DENND2C: variants seen among roughly 807,000 people sequenced by gnomAD.
DENND2C encodes the protein DENN domain containing 2C, also known as DENN domain-containing protein 2C.
In DENND2C, 72 loss-of-function variants were observed where a neutral mutation model predicts 112.4. That is an observed-to-expected ratio of 0.64 (90% CI 0.53 to 0.78). The LOEUF (loss-of-function observed/expected upper bound fraction) is 0.78. Ranked by LOEUF, DENND2C falls within the 30% of genes least tolerant of loss-of-function variation. The pLI, the probability that DENND2C is intolerant of heterozygous loss-of-function variation, is 0.00. For missense variants in DENND2C, 992 were observed against 1,113.8 expected, an observed-to-expected ratio of 0.89 and a Z score of 1.56; for synonymous variants, 329 against 381.6, an observed-to-expected ratio of 0.86 and a Z score of 1.61.
At chr1:114,588,938 A>G (rs552661634) in intron 18 of DENND2C, among the ~76,000 whole-genome samples, 1 of 152,330 alleles carries the variant, frequency 6.6e-6, no homozygotes, top group Admixed American at 6.5e-5. Flanking sequence ...CCATAAAAAT[A>G]GTGATTTGAG....
Position 114,611,159 on chromosome 1 carries a change from T to C in DENND2C, c.1325-42A>G, listed in dbSNP as rs1430784999. 12 of 1,610,080 alleles carry C rather than the reference T, an allele frequency of 7.5e-6. No homozygotes were observed. In the African/African-American group the frequency reaches 1.5e-4, roughly 20 times the overall value. ...AGTTTCCATTTGTATTGTCCAACAG[T>C]AGGAAGTACATGAGGATGAGAACAA... On this transcript the variant is annotated intron_variant, in intron 8 of 20. Coordinates refer to ENST00000393274, the MANE Select transcript of DENND2C (RefSeq NM_001256404.2).
intron 1 of DENND2C, among the ~76,000 whole-genome samples, chr1:114,662,475 C>T (rs1657524382): frequency 6.6e-6 from 1 of 152,118 alleles, no homozygotes; most frequent in Non-Finnish European, 1.5e-5. Context: ...CTCTCCATAT[C>T]CTTTGTTGTA....
chr1:114,645,369 C>T (rs1656951597), intron 3 of DENND2C, 79 bp downstream of exon 3: 1 of 152,166 alleles, frequency 6.6e-6, no homozygotes, highest in Non-Finnish European at 1.5e-5. Flanking sequence ...CACAGACAGA[C>T]AGAGGGGAGA....
At chr1:114,586,607 C>T (rs1655044672) in intron 20 of DENND2C, 1 of 151,982 alleles carries the variant, frequency 6.6e-6, no homozygotes, top group African/African-American at 2.4e-5. Flanking sequence ...TATGGTCAGC[C>T]TATTTAAGGC....
chr1:114,627,217 A>G (rs993642106), intron 3 of DENND2C, among the ~76,000 whole-genome samples: 5 of 152,154 alleles, frequency 3.3e-5, no homozygotes, highest in Non-Finnish European at 7.3e-5. Flanking sequence ...CAGGCCCATA[A>G]ACCGTTTCCT....
intron 10 of DENND2C, 47 bp downstream of exon 10, chr1:114,608,639 G>A: frequency 1.3e-6 from 2 of 1,584,254 alleles, no homozygotes; most frequent in East Asian, 2.2e-5. Flanking sequence ...CATGTACACA[G>A]AGACACAGGA....
At chr1:114,628,791 C>A (rs973482379) in intron 3 of DENND2C, among the ~76,000 whole-genome samples, 14 of 152,250 alleles carry the variant, frequency 9.2e-5, no homozygotes, top group Non-Finnish European at 1.3e-4. Context: ...CACCTTGCTC[C>A]TCAGCGCCTC....
At chr1:114,614,444 A>G (rs1267117175) in intron 8 of DENND2C, among the ~76,000 whole-genome samples, 2 of 152,204 alleles carry the variant, frequency 1.3e-5, no homozygotes, top group South Asian at 2.1e-4. Flanking sequence ...GGTGCATTGG[A>G]GGAGTTGGTC....
intron 18 of DENND2C, 93 bp downstream of exon 18, chr1:114,594,380 C>A: frequency 9.6e-7 from 1 of 1,042,338 alleles, no homozygotes; most frequent in East Asian, 2.5e-5. Context: ...TCTAATGCTA[C>A]TTTGGTATAT....
intron 3 of DENND2C, among the ~76,000 whole-genome samples, chr1:114,631,947 T>G (rs1175645593): frequency 6.6e-6 from 1 of 152,138 alleles, no homozygotes; most frequent in Non-Finnish European, 1.5e-5. Flanking sequence ...ATGGAAGATA[T>G]TTAAAAAAGA....
chr1:114,636,301 A>G (rs999582254), intron 3 of DENND2C, among the ~76,000 whole-genome samples: 1 of 152,192 alleles, frequency 6.6e-6, no homozygotes, highest in African/African-American at 2.4e-5. Flanking sequence ...TAAAGACCAA[A>G]TACTTTTTCC....
intron 1 of DENND2C, among the ~76,000 whole-genome samples, chr1:114,656,082 T>C (rs566651707): frequency 1.3e-5 from 2 of 151,908 alleles, no homozygotes; most frequent in South Asian, 4.2e-4. Context: ...TTCTTTTTTT[T>C]CGGAGATGGG....
At chr1:114,600,682 A>G (rs1655475885) in intron 14 of DENND2C, 138 bp downstream of exon 14, 1 of 1,193,676 alleles carries the variant, frequency 8.4e-7, no homozygotes, top group Non-Finnish European at 1.1e-6. Context: ...ATATTTCTCC[A>G]GTGCTTTATG....
chr1:114,639,761 G>A (rs1656769453), intron 3 of DENND2C, among the ~76,000 whole-genome samples: 1 of 150,044 alleles, frequency 6.7e-6, no homozygotes, highest in Middle Eastern at 3.2e-3. Flanking sequence ...CCAGGCTGGA[G>A]TGCAATGGCT....
chr1:114,623,016 G>A lies in DENND2C; in HGVS notation c.1027C>T (p.Pro343Ser), dbSNP rs1381818069. ...WRSPSAWKLPPAKSAFKAPKL... is the reference protein window; with the variant it reads ...WRSPSAWKLPSAKSAFKAPKL... ...GGTGCTTTAAAAGCACTTTTAGCGG[G>A]TGGTAGCTTCCATGCTGAAGGGGAT... Residue 343 changes from proline to serine, a missense_variant, in exon 6 of 21, where the codon CCC becomes TCC. Physicochemically the swap from Pro to Ser is moderately conservative, Grantham distance 74. Transcript: ENST00000393274. The A allele has an allele frequency of 8.1e-6, 13 of 1,613,210 alleles. No individual in the cohort carries two copies. Among genetic ancestry groups the A allele is most frequent in the African/African-American group, 2.7e-5 (2 of 74,866 alleles).
At chr1:114,639,812 A>G (rs2101680023) in intron 3 of DENND2C, among the ~76,000 whole-genome samples, 1 of 151,738 alleles carries the variant, frequency 6.6e-6, no homozygotes, top group Admixed American at 6.6e-5. Context: ...TGGTTCAAGC[A>G]ATCTGAAGTG....
intron 2 of DENND2C, among the ~76,000 whole-genome samples, chr1:114,650,094 G>C (rs947000050): frequency 6.6e-6 from 1 of 151,976 alleles, no homozygotes; most frequent in Non-Finnish European, 1.5e-5. Context: ...GGCCGAGGTG[G>C]GTGGATCACC....
chr1:114,626,375 A>G (rs1360221572), intron 3 of DENND2C, among the ~76,000 whole-genome samples, 187 bp from the exon 4 acceptor site: 1 of 152,186 alleles, frequency 6.6e-6, no homozygotes, highest in Non-Finnish European at 1.5e-5. Context: ...TAATACTAAC[A>G]AAACATTATT....
intron 1 of DENND2C, among the ~76,000 whole-genome samples, chr1:114,656,271 A>G (rs1455249065): frequency 1.3e-5 from 2 of 151,934 alleles, no homozygotes; most frequent in African/African-American, 4.8e-5. Flanking sequence ...ATGGGGTCTT[A>G]CTATGTTGTC....
Sources: gnomAD v4.1 joint callset for allele counts (sites outside exome capture counted in the v4.1 genomes callset) on GRCh38, gnomAD v4.1.1 for gene constraint, MANE v1.5 for transcripts, NCBI Gene and HGNC (gene_info 2026-07-23, HGNC 2026-07-21) for gene names.